Variants in GLIS1 observed in about 807,000 individuals in gnomAD.
GLIS1 encodes zinc finger protein GLIS1.
A neutral mutation model predicts 63.8 loss-of-function variants in GLIS1; 24 were observed. The observed-to-expected ratio is 0.38, with a 90% CI of 0.27 to 0.53. GLIS1 has a LOEUF of 0.53. Among genes scored for constraint, GLIS1 ranks in the 20% least tolerant of loss-of-function variants. The probability of loss-of-function intolerance (pLI) is 0.85; values close to 1 mark genes in which losing one functional copy is unlikely to be tolerated. For missense variants in GLIS1, 1,036 were observed against 1,074.1 expected, an observed-to-expected ratio of 0.96 and a Z score of 0.50; for synonymous variants, 450 against 482.5, an observed-to-expected ratio of 0.93 and a Z score of 0.88.
intron 2 of GLIS1, among the ~76,000 whole-genome samples, chr1:53,650,427 TAAAAACAC>T (rs1348064523): frequency 1.3e-5 from 2 of 152,010 alleles, no homozygotes; most frequent in Admixed American, 6.5e-5. Context: ...ACGTCTCTAC[TAAAAACAC>T]AAAAATTAGA....
chr1:53,661,559 G>A (rs1040425822), intron 2 of GLIS1, among the ~76,000 whole-genome samples: 1 of 152,174 alleles, frequency 6.6e-6, no homozygotes, highest in African/African-American at 2.4e-5. Context: ...TTAAAGGGGA[G>A]GCGTGGGGAG....
At position 53,706,770 on chromosome 1, in the gene GLIS1, C is replaced by A. The variant is rs536091808; in HGVS notation, c.259+31036G>T. ...ATAAATCTACCTTGAACACATAATA[C>A]CTCAAATAAGAAAATCAAAACACAT... is the stretch of plus-strand genomic sequence containing the variant. On this transcript the variant is annotated intron_variant, in intron 2 of 10. Coordinates refer to ENST00000628545, the MANE Select transcript of GLIS1 (RefSeq NM_001367484.1). 3.3e-5 allele frequency among the ~76,000 whole-genome samples: 5 copies of A among 152,262 alleles called. No individual in the cohort carries two copies. In the South Asian group the frequency reaches 1.0e-3, roughly 32 times the overall value.
At position 53,652,149 on chromosome 1, in the gene GLIS1, G is replaced by A. The variant is rs76782732; in HGVS notation, c.260-51871C>T. On this transcript the variant is annotated intron_variant, in intron 2 of 10. Coordinates refer to ENST00000628545, the MANE Select transcript of GLIS1 (RefSeq NM_001367484.1). ...AGCTCAGTGTCTTCATCTGTAAAAC[G>A]GGCTGTTCTGTGAATTCTGTGTGTC... Among the ~76,000 whole-genome samples, 28 of 152,270 alleles carry A rather than the reference G, an allele frequency of 1.8e-4. No individual in the cohort carries two copies. The East Asian group carries it at 4.6e-3, about 25-fold the overall frequency.
At chr1:53,636,323 T>C (rs1645721230) in intron 2 of GLIS1, among the ~76,000 whole-genome samples, 1 of 152,044 alleles carries the variant, frequency 6.6e-6, no homozygotes, top group Admixed American at 6.6e-5. Context: ...TTCACCACAT[T>C]AGTAGATTTT....
intron 2 of GLIS1, among the ~76,000 whole-genome samples, chr1:53,689,382 C>G (rs952998806): frequency 2.0e-5 from 3 of 152,126 alleles, no homozygotes; most frequent in African/African-American, 7.2e-5. Context: ...TTTACCCTGG[C>G]TGGGCTCTGG....
At chr1:53,682,068 T>C (rs962319176) in intron 2 of GLIS1, among the ~76,000 whole-genome samples, 4 of 152,254 alleles carry the variant, frequency 2.6e-5, no homozygotes, top group African/African-American at 9.6e-5. Context: ...GAAATTGCTG[T>C]GCTGCATGCA....
chr1:53,630,623 GT>G (rs1645641939), intron 2 of GLIS1, among the ~76,000 whole-genome samples: 1 of 152,048 alleles, frequency 6.6e-6, no homozygotes. Context: ...AGCCTCCCAA[GT>G]AGCTGGGATT....
intron 2 of GLIS1, among the ~76,000 whole-genome samples, chr1:53,608,835 G>C (rs779596939): frequency 6.6e-6 from 1 of 152,192 alleles, no homozygotes; most frequent in Non-Finnish European, 1.5e-5. Flanking sequence ...CTCAGAGAGA[G>C]ACATGTAAGG....
At chr1:53,736,071 C>A (rs1480856553) in intron 2 of GLIS1, among the ~76,000 whole-genome samples, 1 of 152,148 alleles carries the variant, frequency 6.6e-6, no homozygotes, top group Non-Finnish European at 1.5e-5. Context: ...GGGATACATC[C>A]CACCACAACA....
At chr1:53,522,986 C>CTTTTTCTTTTTCTTTT (rs760283252) in intron 6 of GLIS1, among the ~76,000 whole-genome samples, 2 of 43,690 alleles carry the variant, frequency 4.6e-5, no homozygotes, top group African/African-American at 8.8e-5. Context: ...TCTTTTCTTT[C>CTTTTTCTTTTTCTTTT]TTTTTTTTTT....
At chr1:53,596,106 G>A (rs6588483) in intron 3 of GLIS1, among the ~76,000 whole-genome samples, 13,371 of 152,328 alleles carry the variant, frequency 0.088, 784 homozygotes, top group South Asian at 0.17. Context: ...GGTGGTGTAT[G>A]TGGGCACAGC....
At chr1:53,556,468 G>C (rs1644828934) in intron 4 of GLIS1, among the ~76,000 whole-genome samples, 1 of 137,964 alleles carries the variant, frequency 7.2e-6, no homozygotes, top group South Asian at 2.4e-4. Flanking sequence ...GTGTACTGCA[G>C]GTGTGTGCGT....
intron 4 of GLIS1, among the ~76,000 whole-genome samples, chr1:53,557,828 T>C (rs1644848707): frequency 6.6e-6 from 1 of 152,240 alleles, no homozygotes; most frequent in South Asian, 2.1e-4. Flanking sequence ...TCCAGTCTCT[T>C]GAAAATTTCT....
chr1:53,655,185 G>A (rs1265256071), intron 2 of GLIS1, among the ~76,000 whole-genome samples: 1 of 152,140 alleles, frequency 6.6e-6, no homozygotes, highest in Non-Finnish European at 1.5e-5. Flanking sequence ...GAATGCCCAG[G>A]TGTTCCTTTC....
In GLIS1 at chr1:53,506,483, G is replaced by T; in HGVS notation, c.*136C>A. ...CAGCGCTGGGTGGGGTGGCAGCGCT[G>T]GCTCCCCTGGGTCATGGCCTGGCTG... On this transcript the variant is annotated 3_prime_UTR_variant, in exon 11 of 11. Coordinates refer to ENST00000628545, the MANE Select transcript of GLIS1 (RefSeq NM_001367484.1). The T allele has an allele frequency of 2.2e-6, 2 of 922,034 alleles. No individual in the cohort carries two copies. The highest frequency in any genetic ancestry group is 3.3e-6 in the Non-Finnish European group (2 of 614,788). The allele number at this position is 922,034 out of a possible 1,614,324, so 57.1% of individuals were successfully genotyped here.
intron 2 of GLIS1, among the ~76,000 whole-genome samples, chr1:53,715,328 G>A (rs1223301579): frequency 2.0e-5 from 3 of 152,196 alleles, no homozygotes; most frequent in African/African-American, 7.2e-5. Flanking sequence ...CAGGTGAGCT[G>A]GAAAAGCACA....
chr1:53,608,883 T>C (rs997068937), intron 2 of GLIS1, among the ~76,000 whole-genome samples: 2 of 152,202 alleles, frequency 1.3e-5, no homozygotes, highest in African/African-American at 4.8e-5. Context: ...GGCAGTTCTG[T>C]TTGATGACTC....
At chr1:53,580,310 AG>A (rs1645072709) in intron 4 of GLIS1, among the ~76,000 whole-genome samples, 1 of 152,168 alleles carries the variant, frequency 6.6e-6, no homozygotes, top group Non-Finnish European at 1.5e-5. Context: ...CGAGCCCTAC[AG>A]GCCTCCCTAC....
chr1:53,709,429 C>CATATATATATACATATATACATATATAT, intron 2 of GLIS1, among the ~76,000 whole-genome samples: 1 of 135,856 alleles, frequency 7.4e-6, no homozygotes, highest in South Asian at 2.5e-4. Context: ...CACACACACA[C>CATATATATATACATATATACATATATAT]ACACACACAC....
Sources: gnomAD v4.1 joint callset for allele counts (sites outside exome capture counted in the v4.1 genomes callset) on GRCh38, gnomAD v4.1.1 for gene constraint, MANE v1.5 for transcripts, NCBI Gene and HGNC (gene_info 2026-07-23, HGNC 2026-07-21) for gene names.